Variants in NAALADL2 observed in about 807,000 individuals in gnomAD.
NAALADL2 encodes inactive N-acetylated-alpha-linked acidic dipeptidase-like protein 2.
Under a neutral mutation model 87.2 loss-of-function variants are expected in NAALADL2, and 76 were observed. The ratio of observed to expected loss-of-function variants is 0.87; its 90% CI spans 0.72 to 1.05. The LOEUF (loss-of-function observed/expected upper bound fraction) is 1.05. NAALADL2 is among the 50% of genes least tolerant of loss of function. The pLI, the probability that NAALADL2 is intolerant of heterozygous loss-of-function variation, is 0.00. For synonymous variants in NAALADL2, 354 were observed against 331.0 expected (o/e 1.07, Z -0.75); for missense variants, 1,089 against 945.8 (o/e 1.15, Z -1.99).
intron 2 of NAALADL2, among the ~76,000 whole-genome samples, chr3:175,169,798 A>G (rs1297788957): frequency 1.3e-5 from 2 of 151,822 alleles, no homozygotes; most frequent in Non-Finnish European, 2.9e-5. Flanking sequence ...TTGATTTGTT[A>G]CATGTTGCAT....
intron 5 of NAALADL2, among the ~76,000 whole-genome samples, chr3:175,345,580 T>A (rs115534018): frequency 0.026 from 3,980 of 152,216 alleles, 156 homozygotes; most frequent in African/African-American, 0.09. Flanking sequence ...AAAATGGCAC[T>A]GTTGGTGTTC....
At chr3:175,760,696 C>T (rs960604669) in intron 13 of NAALADL2, among the ~76,000 whole-genome samples, 2 of 152,064 alleles carry the variant, frequency 1.3e-5, no homozygotes, top group Non-Finnish European at 2.9e-5. Context: ...GTAGGCAGTG[C>T]TCTACCACTC....
intron 5 of NAALADL2, among the ~76,000 whole-genome samples, chr3:175,410,606 A>AT (rs1020564044): frequency 3.3e-5 from 5 of 151,786 alleles, no homozygotes; most frequent in African/African-American, 1.2e-4. Flanking sequence ...AGAGGAAAAA[A>AT]AAATGGCCAC....
chr3:175,809,955 T>G lies in NAALADL2; in HGVS notation c.*6752T>G, dbSNP rs952307658. 6.6e-6 allele frequency: 1 copy of G among 151,994 alleles called. No individual in the cohort carries two copies. The highest frequency in any genetic ancestry group is 1.5e-5 in the Non-Finnish European group (1 of 67,942). 9.4% of individuals were successfully genotyped at this position (151,994 alleles called of 1,614,324 possible). Reference sequence around the variant, plus strand: ...GAAAATTTTTCCAAATAAATTTGCTTTGATTAAAAACACATATCTCTCAAG... The same window carrying G: ...GAAAATTTTTCCAAATAAATTTGCTGTGATTAAAAACACATATCTCTCAAG... On this transcript the variant is annotated 3_prime_UTR_variant, in exon 14 of 14. Coordinates refer to ENST00000454872, the MANE Select transcript of NAALADL2 (RefSeq NM_207015.3).
In NAALADL2 at chr3:175,809,096, G is replaced by A. The variant is rs1402881106; in HGVS notation, c.*5893G>A. On this transcript the variant is annotated 3_prime_UTR_variant, in exon 14 of 14. Coordinates refer to ENST00000454872, the MANE Select transcript of NAALADL2 (RefSeq NM_207015.3). ...TTGTTTACTTATATATCAAGCTGCT[G>A]CAAATGGACTACCTTATTTTAAAAG... 1.3e-5 allele frequency: 2 copies of A among 151,854 alleles called. No homozygotes were observed. Among genetic ancestry groups the A allele is most frequent in the African/African-American group, 2.4e-5 (1 of 41,376 alleles). The allele number at this position is 151,854 out of a possible 1,614,324, so 9.4% of individuals were successfully genotyped here. A position where few individuals can be genotyped will look rare whatever the true frequency, so the allele number is the denominator to read the frequency against.
chr3:175,436,455 A>G (rs1718690112), intron 5 of NAALADL2, among the ~76,000 whole-genome samples: 1 of 145,382 alleles, frequency 6.9e-6, no homozygotes, highest in South Asian at 2.1e-4. Context: ...GAACTAGTTT[A>G]CAGTCCCATC....
intron 3 of NAALADL2, among the ~76,000 whole-genome samples, chr3:174,740,100 G>A (rs1733622953): frequency 6.6e-6 from 1 of 151,934 alleles, no homozygotes; most frequent in African/African-American, 2.4e-5. Context: ...ACATTCATAT[G>A]CTGATTTTCA....
intron 1 of NAALADL2, among the ~76,000 whole-genome samples, chr3:174,870,136 GT>G (rs1366115768): frequency 6.6e-6 from 1 of 151,582 alleles, no homozygotes; most frequent in Non-Finnish European, 1.5e-5. Flanking sequence ...TTATCAGCAT[GT>G]TTGCATTTTA....
chr3:175,547,955 C>T (rs965935700), intron 9 of NAALADL2, among the ~76,000 whole-genome samples: 4 of 152,014 alleles, frequency 2.6e-5, no homozygotes, highest in South Asian at 2.1e-4. Flanking sequence ...TGTTGGTGAG[C>T]GTGTAAATCA....
intron 11 of NAALADL2, among the ~76,000 whole-genome samples, chr3:175,652,241 T>A (rs1431641339): frequency 6.6e-6 from 1 of 152,152 alleles, no homozygotes; most frequent in East Asian, 1.9e-4. Flanking sequence ...GACATCAACA[T>A]GGACTTTATT....
chr3:174,909,807 T>C (rs1427296029), intron 1 of NAALADL2, among the ~76,000 whole-genome samples: 1 of 152,160 alleles, frequency 6.6e-6, no homozygotes, highest in Non-Finnish European at 1.5e-5. Flanking sequence ...TAGCACATAG[T>C]ATGAATGTCA....
intron 1 of NAALADL2, among the ~76,000 whole-genome samples, chr3:174,526,367 T>G (rs1162419760): frequency 1.3e-5 from 2 of 152,198 alleles, no homozygotes; most frequent in Non-Finnish European, 2.9e-5. Flanking sequence ...TGTGTGACTT[T>G]GGCATGCTTT....
intron 11 of NAALADL2, among the ~76,000 whole-genome samples, chr3:175,649,873 A>G (rs1730514522): frequency 6.6e-6 from 1 of 152,112 alleles, no homozygotes; most frequent in Non-Finnish European, 1.5e-5. Context: ...TTTACTATTC[A>G]TATCAACACA....
intron 4 of NAALADL2, among the ~76,000 whole-genome samples, chr3:175,320,369 C>T (rs1271009730): frequency 1.3e-5 from 2 of 152,156 alleles, no homozygotes; most frequent in Admixed American, 6.6e-5. Context: ...TCTCAAATGA[C>T]AGGGTCTATT....
chr3:174,778,678 TC>T (rs2109137505), intron 3 of NAALADL2, among the ~76,000 whole-genome samples: 1 of 152,208 alleles, frequency 6.6e-6, no homozygotes, highest in South Asian at 2.1e-4. Flanking sequence ...CCTCCCTGTG[TC>T]CATATGTTCT....
At chr3:174,883,195 G>C (rs958386335) in intron 1 of NAALADL2, among the ~76,000 whole-genome samples, 3 of 151,876 alleles carry the variant, frequency 2.0e-5, no homozygotes, top group Non-Finnish European at 4.4e-5. Flanking sequence ...ATTAAGGGGG[G>C]GTCTGCCTTT....
chr3:174,612,794 G>T (rs1720060085), intron 2 of NAALADL2, among the ~76,000 whole-genome samples: 1 of 151,906 alleles, frequency 6.6e-6, no homozygotes, highest in South Asian at 2.1e-4. Context: ...TTGATCCCTG[G>T]TACCTTATGT....
rs550932120 is a variant in NAALADL2 at position 174,734,840 on chromosome 3, T to G, written c.-114-2801T>G. 6.6e-5 allele frequency among the ~76,000 whole-genome samples: 10 copies of G among 152,272 alleles called. No homozygotes were observed. The South Asian group carries it at 2.1e-3, about 32-fold the overall frequency. The stretch of plus-strand genomic sequence containing the variant: ...CAGAATTATTATTTTATTCTGTATT[T>G]TGGTAGTTGAGAAATTTATGACACA... On this transcript the variant is annotated intron_variant, in intron 2 of 3. Coordinates refer to the NAALADL2 transcript ENST00000434257.
At chr3:175,652,966 G>A (rs924461979) in intron 11 of NAALADL2, among the ~76,000 whole-genome samples, 21 of 152,018 alleles carry the variant, frequency 1.4e-4, no homozygotes, top group Admixed American at 1.2e-3. Flanking sequence ...AACATAAACA[G>A]GGGATTGACA....
Sources: gnomAD v4.1 joint callset for allele counts (sites outside exome capture counted in the v4.1 genomes callset) on GRCh38, gnomAD v4.1.1 for gene constraint, MANE v1.5 for transcripts, NCBI Gene and HGNC (gene_info 2026-07-23, HGNC 2026-07-21) for gene names.